ACYP2: variants seen among roughly 807,000 people sequenced by gnomAD.
ACYP2 encodes the protein acylphosphatase 2.
Under a neutral mutation model 11.2 loss-of-function variants are expected in ACYP2, and 12 were observed. The ratio of observed to expected loss-of-function variants is 1.08; its 90% CI spans 0.69 to 1.74. The LOEUF (loss-of-function observed/expected upper bound fraction) is 1.74. Ranked by LOEUF, ACYP2 falls within the 40% of genes most tolerant of loss-of-function variation. The pLI, the probability that ACYP2 is intolerant of heterozygous loss-of-function variation, is 0.00. For synonymous variants in ACYP2, 43 were observed against 32.2 expected (o/e 1.33, Z -1.13); for missense variants, 134 against 101.9 (o/e 1.31, Z -1.35).
intron 6 of ACYP2, among the ~76,000 whole-genome samples, chr2:54,269,847 C>T (rs1014975295): frequency 5.9e-5 from 9 of 152,008 alleles, no homozygotes; most frequent in African/African-American, 1.2e-4. Context: ...TGTTTTTCTA[C>T]GTGTATAATA....
chr2:54,142,007 G>A, intron 6 of ACYP2: 3 of 449,278 alleles, frequency 6.7e-6, no homozygotes, highest in Middle Eastern at 3.4e-4. Flanking sequence ...GTGTGTGTGT[G>A]TGTGTATATT....
chr2:54,225,296 T>G (rs966822874), intron 6 of ACYP2, among the ~76,000 whole-genome samples: 5 of 152,166 alleles, frequency 3.3e-5, no homozygotes, highest in African/African-American at 1.2e-4. Context: ...AGGAGCTGGT[T>G]ATTGTGACAG....
chr2:54,138,107 C>T lies in ACYP2; in HGVS notation c.295-532C>T, dbSNP rs139403754. ...TTTTGAGAAGTGTCCATGTCCTTGC[C>T]TACTTTTTAATGGGGTTGTTTATAA... is the stretch of plus-strand genomic sequence containing the variant. On this transcript the variant is annotated intron_variant, in intron 5 of 6. Transcript: ENST00000607452. Among the ~76,000 whole-genome samples, 392 of 151,972 alleles carry T rather than the reference C, an allele frequency of 2.6e-3. 1 individual carries two copies. The highest frequency in any genetic ancestry group is 9.0e-3 in the African/African-American group (372 of 41,436).
At chr2:54,022,571 G>T (rs764161269) in intron 2 of ACYP2, among the ~76,000 whole-genome samples, 1 of 152,012 alleles carries the variant, frequency 6.6e-6, no homozygotes, top group Non-Finnish European at 1.5e-5. Context: ...GTAGATGTGG[G>T]GTCTCCCTAT....
At chr2:54,000,124 A>C (rs1031489675) in intron 2 of ACYP2, among the ~76,000 whole-genome samples, 1 of 151,540 alleles carries the variant, frequency 6.6e-6, no homozygotes, top group Admixed American at 6.6e-5. Context: ...TATATAATAG[A>C]AATTATATTA....
At chr2:54,180,088 C>T (rs148019803) in intron 6 of ACYP2, among the ~76,000 whole-genome samples, 413 of 152,196 alleles carry the variant, frequency 2.7e-3, no homozygotes, top group African/African-American at 9.4e-3. Context: ...TGGAAACTTA[C>T]ATTTACCAGT....
chr2:54,008,201 C>T (rs945175834), intron 2 of ACYP2, among the ~76,000 whole-genome samples: 1 of 152,178 alleles, frequency 6.6e-6, no homozygotes, highest in Admixed American at 6.5e-5. Flanking sequence ...ATTCAAAGAC[C>T]ATGCAGCTGC....
intron 6 of ACYP2, among the ~76,000 whole-genome samples, chr2:54,192,908 TG>T (rs992753048): frequency 2.0e-5 from 3 of 152,108 alleles, no homozygotes; most frequent in Non-Finnish European, 4.4e-5. Context: ...GAGAACAGCA[TG>T]GGGGAAACTA....
intron 6 of ACYP2, among the ~76,000 whole-genome samples, chr2:54,196,720 A>C (rs1348645067): frequency 6.7e-6 from 1 of 150,300 alleles, no homozygotes; most frequent in East Asian, 1.9e-4. Context: ...AGCAACCCCC[A>C]GTCGTGGTCA....
At chr2:54,189,443 C>T (rs1024394228) in intron 6 of ACYP2, among the ~76,000 whole-genome samples, 1 of 152,136 alleles carries the variant, frequency 6.6e-6, no homozygotes, top group African/African-American at 2.4e-5. Flanking sequence ...GATTATTTTA[C>T]TTAGCATAAT....
chr2:54,062,956 A>G (rs1028907310), intron 4 of ACYP2, among the ~76,000 whole-genome samples: 7 of 152,166 alleles, frequency 4.6e-5, no homozygotes, highest in African/African-American at 1.7e-4. Flanking sequence ...TATTTAAAGC[A>G]CAATATCCCA....
At chr2:54,196,241 G>C (rs1272253687) in intron 6 of ACYP2, among the ~76,000 whole-genome samples, 1 of 152,070 alleles carries the variant, frequency 6.6e-6, no homozygotes, top group Non-Finnish European at 1.5e-5. Context: ...CTGTCAGCCA[G>C]GCTCAAGGGC....
intron 6 of ACYP2, among the ~76,000 whole-genome samples, chr2:54,304,398 T>C (rs1191880280): frequency 6.6e-6 from 1 of 152,148 alleles, no homozygotes. Flanking sequence ...CAGGTAACAG[T>C]GGCCTTGGAG....
intron 6 of ACYP2, among the ~76,000 whole-genome samples, chr2:54,245,183 C>T (rs1033901248): frequency 1.8e-4 from 27 of 152,044 alleles, no homozygotes; most frequent in Admixed American, 1.8e-3. Flanking sequence ...GTTCTTCAGT[C>T]CCATCCATGT....
At chr2:54,242,369 G>C (rs1323059907) in intron 6 of ACYP2, among the ~76,000 whole-genome samples, 1 of 152,214 alleles carries the variant, frequency 6.6e-6, no homozygotes, top group African/African-American at 2.4e-5. Context: ...CTGAAGGCTT[G>C]TCTTGCCCAT....
chr2:53,986,116 G>C (rs1364612716), intron 2 of ACYP2, among the ~76,000 whole-genome samples: 1 of 151,902 alleles, frequency 6.6e-6, no homozygotes, highest in Non-Finnish European at 1.5e-5. Flanking sequence ...AACAGAGTGA[G>C]ACTCCATCTC....
rs1365077397 is a variant in ACYP2, at chr2:54,189,562, CTATTA to C, written c.404+50819_404+50823del. 2.7e-5 allele frequency among the ~76,000 whole-genome samples: 4 copies of C among 150,154 alleles called. No individual in the cohort carries two copies. In the Admixed American group the frequency reaches 2.7e-4, roughly 10 times the overall value. ...TAGATCCTATATTCTCTCTATAATTCTATTATATTTAATATGTATATCTGTGTTTT... is the reference window on the plus strand; with the variant it reads ...TAGATCCTATATTCTCTCTATAATTCTATTTAATATGTATATCTGTGTTTT... On this transcript the variant is annotated intron_variant, in intron 6 of 6. Coordinates refer to ENST00000607452, the MANE Select transcript of ACYP2 (RefSeq NM_001320586.2).
intron 2 of ACYP2, among the ~76,000 whole-genome samples, chr2:54,050,066 TAACATC>T (rs2104570012): frequency 6.6e-6 from 1 of 152,308 alleles, no homozygotes; most frequent in African/African-American, 2.4e-5. Flanking sequence ...AGTCCTTACT[TAACATC>T]AATAGGTTCT....
At chr2:54,023,102 A>C (rs1469348807) in intron 2 of ACYP2, among the ~76,000 whole-genome samples, 1 of 152,156 alleles carries the variant, frequency 6.6e-6, no homozygotes, top group East Asian at 1.9e-4. Flanking sequence ...AAAAGAAAAA[A>C]TATTTTTTCT....
Sources: allele counts gnomAD v4.1 joint callset (sites outside exome capture counted in the v4.1 genomes callset), GRCh38; gene constraint gnomAD v4.1.1; transcripts MANE v1.5; gene names NCBI Gene and HGNC (gene_info 2026-07-23, HGNC 2026-07-21).